Variants in CENPC observed in about 807,000 individuals in gnomAD.
The protein encoded by CENPC is centromere protein C.
Under a neutral mutation model 112.1 loss-of-function variants are expected in CENPC, and 63 were observed. That is an observed-to-expected ratio of 0.56 (90% confidence interval 0.46 to 0.69). The LOEUF (loss-of-function observed/expected upper bound fraction) is 0.69, where lower values mean the gene tolerates loss of function less well. Among genes scored for constraint, CENPC ranks in the 30% least tolerant of loss-of-function variants. The probability of loss-of-function intolerance (pLI) is 0.00; values close to 1 mark genes in which losing one functional copy is unlikely to be tolerated. For missense variants in CENPC, 1,000 were observed against 1,103.8 expected (o/e 0.91, Z 1.33); for synonymous variants, 333 against 367.6 (o/e 0.91, Z 1.08).
At chr4:67,545,109 G>A (rs1029275434) in intron 1 of CENPC, among the ~76,000 whole-genome samples, 1 of 152,120 alleles carries the variant, frequency 6.6e-6, no homozygotes, top group African/African-American at 2.4e-5. Flanking sequence ...TAAGACGTAG[G>A]CACAGACGAA....
In CENPC at chr4:67,490,039, A is replaced by T; in HGVS notation, c.2598T>A (p.Phe866Leu). ...CTAATATCAATTTCCCAGTAGAAAA[A>T]AAGGGTGTATCCAATGTCTTGTATA... ...LKVYKTLDTP[F>L]FSTGKLILGP... The change falls in exon 17 of 19, where the codon TTT becomes TTA. Residue 866 changes from phenylalanine (F) to leucine (L), a missense_variant. Coordinates refer to ENST00000273853, the MANE Select transcript of CENPC (RefSeq NM_001812.4). 6.2e-7 allele frequency: 1 copy of T among 1,608,944 alleles called. No individual in the cohort carries two copies. Among genetic ancestry groups the T allele is most frequent in the Non-Finnish European group, 8.5e-7 (1 of 1,177,506 alleles).
In CENPC at chr4:67,505,235, C is replaced by T; in HGVS notation, c.2101G>A (p.Val701Met). The change falls in exon 12 of 19, where the codon GTG becomes ATG. Residue 701 changes from valine to methionine, a missense_variant. Val to Met is a conservative substitution (Grantham distance 21). Transcript: ENST00000273853. ...NNYLMSGKNDVDDEEVHGSSD... is the reference protein window; with the variant it reads ...NNYLMSGKNDMDDEEVHGSSD... ...CTTCCATGAACTTCCTCATCATCCACATCATTCTTTCCAGACATTAAATAA... is the reference window on the plus strand; with the variant it reads ...CTTCCATGAACTTCCTCATCATCCATATCATTCTTTCCAGACATTAAATAA... 6.3e-7 allele frequency: 1 copy of T among 1,583,596 alleles called. No individual in the cohort carries two copies.
At chr4:67,539,461 T>C (rs1373901220) in intron 4 of CENPC, among the ~76,000 whole-genome samples, 4 of 152,178 alleles carry the variant, frequency 2.6e-5, no homozygotes, top group Non-Finnish European at 5.9e-5. Context: ...AATTAAAATA[T>C]ATAATCAACA....
chr4:67,534,307 T>A (rs1345849035), intron 4 of CENPC, among the ~76,000 whole-genome samples: 1 of 151,934 alleles, frequency 6.6e-6, no homozygotes, highest in African/African-American at 2.4e-5. Flanking sequence ...TCCCAGCTGC[T>A]CGAGAGGCTG....
chr4:67,485,477 A>C (rs1221900578), intron 17 of CENPC, among the ~76,000 whole-genome samples: 1 of 145,560 alleles, frequency 6.9e-6, no homozygotes, highest in Non-Finnish European at 1.5e-5. Context: ...TAACCCCCCC[A>C]ATGTGATGGG....
intron 17 of CENPC, among the ~76,000 whole-genome samples, chr4:67,477,015 C>A (rs977110573): frequency 6.6e-6 from 1 of 152,130 alleles, no homozygotes; most frequent in African/African-American, 2.4e-5. Flanking sequence ...ACAAAAAGCT[C>A]AGCCCAAGGA....
chr4:67,535,770 T>C (rs890411612), intron 4 of CENPC, among the ~76,000 whole-genome samples: 2 of 152,068 alleles, frequency 1.3e-5, no homozygotes, highest in Non-Finnish European at 2.9e-5. Flanking sequence ...AGAAACTATA[T>C]GACAAATAAA....
At chr4:67,475,857 G>A (rs1242070267) in intron 17 of CENPC, among the ~76,000 whole-genome samples, 8 of 152,128 alleles carry the variant, frequency 5.3e-5, no homozygotes, top group Admixed American at 5.2e-4. Flanking sequence ...CCAAAGTGCT[G>A]GGATTACAGG....
chr4:67,510,458 T>C (rs912592658), intron 9 of CENPC, among the ~76,000 whole-genome samples: 1 of 152,188 alleles, frequency 6.6e-6, no homozygotes, highest in African/African-American at 2.4e-5. Context: ...CTCAAGTAAT[T>C]GATTGGTATT....
rs11946612 is a variant in CENPC at position 67,470,253 on chromosome 4, T to C, written c.*2352A>G. ...AATGGAGAGCCTTTGCTGAACCATA[T>C]GGGCTTTCAGTTTAGACAAAGAAAG... On this transcript the variant is annotated 3_prime_UTR_variant, in exon 19 of 19. Coordinates refer to ENST00000273853, the MANE Select transcript of CENPC (RefSeq NM_001812.4). 95,028 of 151,944 alleles carry C rather than the reference T, an allele frequency of 0.63. 29,946 individuals carry two copies. Among genetic ancestry groups the C allele is most frequent in the East Asian group, 0.81 (4,186 of 5,154 alleles). The allele number at this position is 151,944 out of a possible 1,614,324, so 9.4% of individuals were successfully genotyped here.
At chr4:67,477,623 CT>C (rs1724841227) in intron 17 of CENPC, among the ~76,000 whole-genome samples, 1 of 152,170 alleles carries the variant, frequency 6.6e-6, no homozygotes, top group South Asian at 2.1e-4. Context: ...AAAAACAATT[CT>C]GGTAATGTGA....
intron 14 of CENPC, 142 bp from the exon 15 acceptor site, chr4:67,493,139 C>T (rs890779442): frequency 1.6e-6 from 1 of 610,860 alleles, no homozygotes. Flanking sequence ...AACACAAATA[C>T]CAACCAATTT....
intron 17 of CENPC, among the ~76,000 whole-genome samples, chr4:67,476,224 T>A (rs1396651105): frequency 6.6e-6 from 1 of 152,210 alleles, no homozygotes; most frequent in East Asian, 1.9e-4. Flanking sequence ...ATGAACTTTT[T>A]TGCCAGAAGA....
At chr4:67,495,060 T>C (rs1207829802) in intron 13 of CENPC, 99 bp downstream of exon 13, 1 of 1,136,336 alleles carries the variant, frequency 8.8e-7, no homozygotes, top group Non-Finnish European at 1.2e-6. Flanking sequence ...ATCCACATAA[T>C]CGTATTTCTC....
rs1473608285 is a variant in CENPC at position 67,545,371 on chromosome 4, A to G, written c.-16T>C. ...ACGCAGCCATGTTCCGGCCCCGCTG[A>G]GCCAGCGCAACTGTCTGAGGTGGAA... On this transcript the variant is annotated 5_prime_UTR_variant, in exon 1 of 19. Transcript: ENST00000273853. 6.6e-7 allele frequency: 1 copy of G among 1,522,670 alleles called. No individual in the cohort carries two copies. Among genetic ancestry groups the G allele is most frequent in the Admixed American group, 2.0e-5 (1 of 49,246 alleles). The allele number at this position is 1,522,670 out of a possible 1,614,324, so 94.3% of individuals were successfully genotyped here.
At position 67,477,027 on chromosome 4, in the gene CENPC, A is replaced by G. The variant is rs140306558; in HGVS notation, c.2671-2049T>C. 3.1e-3 allele frequency among the ~76,000 whole-genome samples: 479 copies of G among 152,234 alleles called. 1 individual carries two copies. Among genetic ancestry groups the G allele is most frequent in the African/African-American group, 0.011 (458 of 41,534 alleles). On this transcript the variant is annotated intron_variant, in intron 17 of 18. Transcript: ENST00000273853. ...GTCACAAAAAGCTCAGCCCAAGGAG[A>G]GTCTGAGCTCAGACACACCTAATCA...
chr4:67,476,756 C>T (rs879020502), intron 17 of CENPC, among the ~76,000 whole-genome samples: 2 of 152,218 alleles, frequency 1.3e-5, no homozygotes, highest in African/African-American at 4.8e-5. Flanking sequence ...GCTTTCTCAG[C>T]AGGGAGACTT....
chr4:67,496,882 A>AACCCAC (rs1725446462), intron 12 of CENPC, among the ~76,000 whole-genome samples: 1 of 43,738 alleles, frequency 2.3e-5, no homozygotes, highest in Non-Finnish European at 5.0e-5. Flanking sequence ...TGTACCCCCC[A>AACCCAC]CCCCACCCCC....
Position 67,514,509 on chromosome 4 carries a change from T to C in CENPC, c.1009A>G (p.Ser337Gly), listed in dbSNP as rs755031670. The change falls in exon 8 of 19, where the codon AGC becomes GGC. Residue 337 changes from serine (S) to glycine (G), a missense_variant. Ser to Gly is a moderately conservative substitution (Grantham distance 56, BLOSUM62 0). Coordinates refer to ENST00000273853, the MANE Select transcript of CENPC (RefSeq NM_001812.4). ...TTTCTACCTTGAAGGAGTGCAGTGC[T>C]CTCAGCCGGGGATATTGTGCGTTGT... ...LKQRTISPAE[S>G]TALLQGRKSR... is the part of the protein sequence containing the mutation. The C allele has an allele frequency of 6.2e-7, 1 of 1,613,400 alleles. No homozygotes were observed. Among genetic ancestry groups the C allele is most frequent in the South Asian group, 1.1e-5 (1 of 91,024 alleles).
Sources: gnomAD v4.1 joint callset for allele counts (sites outside exome capture counted in the v4.1 genomes callset) on GRCh38, gnomAD v4.1.1 for gene constraint, MANE v1.5 for transcripts, NCBI Gene and HGNC (gene_info 2026-07-23, HGNC 2026-07-21) for gene names.